MME: variants seen among roughly 807,000 people sequenced by gnomAD.
MME encodes neprilysin.
A neutral mutation model predicts 113.2 loss-of-function variants in MME; 98 were observed. The ratio of observed to expected loss-of-function variants is 0.87; its 90% CI spans 0.74 to 1.02. MME has a LOEUF of 1.02. Ranked by LOEUF, MME falls within the 50% of genes least tolerant of loss-of-function variation. The pLI is 0.00. For missense variants in MME, 836 were observed against 896.0 expected (o/e 0.93, Z 0.86); for synonymous variants, 292 against 300.6 (o/e 0.97, Z 0.30).
At chr3:155,055,752 C>T (rs994017121) in intron 1 of MME, among the ~76,000 whole-genome samples, 5 of 152,082 alleles carry the variant, frequency 3.3e-5, no homozygotes, top group Non-Finnish European at 7.4e-5. Flanking sequence ...GAGGCACTAG[C>T]CGTGTTCTGT....
intron 1 of MME, among the ~76,000 whole-genome samples, chr3:155,039,395 A>G (rs975138242): frequency 6.6e-6 from 1 of 152,182 alleles, no homozygotes; most frequent in African/African-American, 2.4e-5. Flanking sequence ...GGTCAGGGGT[A>G]TATTGTAGAA....
At chr3:155,151,768 TA>T (rs918859327) in intron 16 of MME, among the ~76,000 whole-genome samples, 6 of 151,312 alleles carry the variant, frequency 4.0e-5, no homozygotes, top group Admixed American at 2.0e-4. Context: ...ATCTCCATTT[TA>T]AAAAAAAAGT....
At chr3:155,047,071 G>A (rs1377036147) in intron 1 of MME, among the ~76,000 whole-genome samples, 1 of 152,148 alleles carries the variant, frequency 6.6e-6, no homozygotes. Context: ...GTACAGTAAT[G>A]TCCTAGGCCT....
At chr3:155,032,161 A>T (rs1712995071) in intron 1 of MME, among the ~76,000 whole-genome samples, 1 of 152,218 alleles carries the variant, frequency 6.6e-6, no homozygotes, top group South Asian at 2.1e-4. Context: ...GAGGTACGAT[A>T]GTCCATAATT....
intron 19 of MME, 21 bp from the exon 20 acceptor site, chr3:155,168,711 A>G (rs759629042): frequency 6.2e-7 from 1 of 1,612,430 alleles, no homozygotes; most frequent in Non-Finnish European, 8.5e-7. Context: ...AACAATCCTA[A>G]TAAAGTGTCT....
chr3:155,162,561 A>T (rs939467873), intron 17 of MME, among the ~76,000 whole-genome samples: 1 of 152,186 alleles, frequency 6.6e-6, no homozygotes, highest in East Asian at 1.9e-4. Flanking sequence ...AAAACTTGTT[A>T]ACCTCTTTTC....
Position 155,172,168 on chromosome 3 carries a change from C to A in MME, c.2032C>A (p.Leu678Ile). Residue 678 changes from leucine to isoleucine, a missense_variant, in exon 21 of 23, where the codon CTT becomes ATT. Transcript: ENST00000360490. ...KNGEEKLLPGLDLNHKQLFFL... is the reference protein window; with the variant it reads ...KNGEEKLLPGIDLNHKQLFFL... Reference sequence around the variant, plus strand: ...TGGCGAAGAAAAATTACTTCCTGGACTTGACCTAAATCACAAACAACTATT... The same window carrying A: ...TGGCGAAGAAAAATTACTTCCTGGAATTGACCTAAATCACAAACAACTATT... 6.2e-7 allele frequency: 1 copy of A among 1,611,910 alleles called. No individual in the cohort carries two copies.
At position 155,108,135 on chromosome 3, in the gene MME, C is replaced by T. The variant is rs943516939; in HGVS notation, c.197-6859C>T. The stretch of plus-strand genomic sequence containing the variant: ...CCCACAGGAACCTAACCTTGTATTT[C>T]CCCTAGGGTCAATGATTCAGTATTC... On this transcript the variant is annotated intron_variant, in intron 3 of 22. Coordinates refer to ENST00000360490, the MANE Select transcript of MME (RefSeq NM_007289.4). Among the ~76,000 whole-genome samples, 14 of 152,132 alleles carry T rather than the reference C, an allele frequency of 9.2e-5. 1 individual carries two copies. The highest frequency in any genetic ancestry group is 7.9e-4 in the Admixed American group (12 of 15,268).
rs559700940 is a variant in MME at position 155,108,433 on chromosome 3, T to A, written c.197-6561T>A. Reference sequence around the variant, plus strand: ...CAACATGGGGAAACCCCGTCTCTACTGAAAACACAAAAATTAGCCAAGCAT... The same window carrying A: ...CAACATGGGGAAACCCCGTCTCTACAGAAAACACAAAAATTAGCCAAGCAT... On this transcript the variant is annotated intron_variant, in intron 3 of 22. Coordinates refer to ENST00000360490, the MANE Select transcript of MME (RefSeq NM_007289.4). Among the ~76,000 whole-genome samples the A allele has an allele frequency of 9.2e-5, 14 of 152,100 alleles. No homozygotes were observed. In the South Asian group the frequency reaches 2.1e-3, roughly 23 times the overall value.
rs570375425 is a variant in MME, at chr3:155,155,611, T to C, written c.1602-4779T>C. Among the ~76,000 whole-genome samples the C allele has an allele frequency of 1.1e-3, 171 of 152,318 alleles. 2 individuals are homozygous for C. Among genetic ancestry groups the C allele is most frequent in the Non-Finnish European group, 8.8e-4 (60 of 68,032 alleles). ...AAAACATGGAATATTCTTGCCTTCA[T>C]GGAATTACCTTCTAATGAGCTAGGT... On this transcript the variant is annotated intron_variant, in intron 16 of 22. Coordinates refer to ENST00000360490, the MANE Select transcript of MME (RefSeq NM_007289.4).
intron 3 of MME, among the ~76,000 whole-genome samples, chr3:155,091,104 A>G (rs775532434): frequency 3.9e-5 from 6 of 152,190 alleles, no homozygotes; most frequent in Non-Finnish European, 7.3e-5. Flanking sequence ...AAAATCCTTC[A>G]TGGAATAAGA....
At chr3:155,143,350 G>T in intron 12 of MME, 93 bp from the exon 13 acceptor site, 1 of 1,435,472 alleles carries the variant, frequency 7.0e-7, no homozygotes, top group Non-Finnish European at 9.7e-7. Context: ...AATATTTCAA[G>T]AACTTAGATG....
At chr3:155,105,613 C>T (rs572870323) in intron 3 of MME, among the ~76,000 whole-genome samples, 92 of 152,250 alleles carry the variant, frequency 6.0e-4, no homozygotes, top group African/African-American at 2.1e-3. Flanking sequence ...AGATCCCAGA[C>T]GCTGGCCACC....
intron 3 of MME, among the ~76,000 whole-genome samples, chr3:155,091,654 C>G (rs2108191714): frequency 6.6e-6 from 1 of 152,206 alleles, no homozygotes; most frequent in Non-Finnish European, 1.5e-5. Context: ...TAAGCAAATC[C>G]ATGGGGTAGC....
chr3:155,116,405 C>A, intron 4 of MME, 74 bp from the exon 5 acceptor site: 1 of 1,128,110 alleles, frequency 8.9e-7, no homozygotes, highest in Non-Finnish European at 1.3e-6. Context: ...TTAATTACTG[C>A]AAATGAGCAA....
At chr3:155,041,206 T>C (rs1289219792) in intron 1 of MME, among the ~76,000 whole-genome samples, 1 of 152,298 alleles carries the variant, frequency 6.6e-6, no homozygotes, top group South Asian at 2.1e-4. Flanking sequence ...GTCTGGTCCA[T>C]GTCACCATGT....
At chr3:155,031,296 T>C (rs543722866) in intron 1 of MME, among the ~76,000 whole-genome samples, 3 of 152,290 alleles carry the variant, frequency 2.0e-5, no homozygotes, top group African/African-American at 7.2e-5. Context: ...TTCAGTAGTT[T>C]CATTTTCATT....
chr3:155,158,646 G>C (rs570304512), intron 16 of MME: 1 of 151,840 alleles, frequency 6.6e-6, no homozygotes, highest in Non-Finnish European at 1.5e-5. Context: ...TCACGTCAAC[G>C]CAATCTATTT....
intron 8 of MME, among the ~76,000 whole-genome samples, chr3:155,134,234 A>G (rs1374982608): frequency 6.6e-6 from 1 of 152,036 alleles, no homozygotes; most frequent in East Asian, 1.9e-4. Flanking sequence ...TGACCCCATC[A>G]CTGAGGTAGT....
Sources: allele counts gnomAD v4.1 joint callset (sites outside exome capture counted in the v4.1 genomes callset), GRCh38; gene constraint gnomAD v4.1.1; transcripts MANE v1.5; gene names NCBI Gene and HGNC (gene_info 2026-07-23, HGNC 2026-07-21).